Variants in TCFL5 observed in about 807,000 individuals in gnomAD.
TCFL5 encodes the protein transcription factor-like 5 protein.
Under a neutral mutation model 44.3 loss-of-function variants are expected in TCFL5, and 9 were observed. That is an observed-to-expected ratio of 0.20 (90% CI 0.12 to 0.35). The LOEUF is 0.35. Ranked by LOEUF, TCFL5 falls within the 10% of genes least tolerant of loss-of-function variation. The pLI is 1.00. For missense variants in TCFL5, 603 were observed against 613.4 expected (o/e 0.98, Z 0.18); for synonymous variants, 319 against 271.6 (o/e 1.17, Z -1.72).
chr20:62,857,831 T>C (rs887217404), intron 3 of TCFL5, among the ~76,000 whole-genome samples, 193 bp from the exon 4 acceptor site: 2 of 152,176 alleles, frequency 1.3e-5, no homozygotes, highest in African/African-American at 4.8e-5. Flanking sequence ...GCCTATTTTA[T>C]ACAACGAAAC....
chr20:62,859,647 G>A, intron 2 of TCFL5, 121 bp from the exon 3 acceptor site: 1 of 865,920 alleles, frequency 1.2e-6, no homozygotes, highest in African/African-American at 1.8e-5. Flanking sequence ...AAGAACTTTA[G>A]TTGCACTGAA....
In TCFL5 at chr20:62,842,034, A is replaced by T; in HGVS notation, c.1444T>A (p.Leu482Met). 6.2e-7 allele frequency: 1 copy of T among 1,614,260 alleles called. No homozygotes were observed. The change falls in exon 6 of 6, where the codon TTG (leucine) becomes ATG (methionine). Residue 482 changes from leucine to methionine, a missense_variant. Leu to Met is a conservative substitution (Grantham distance 15, BLOSUM62 2). Transcript: ENST00000335351. The surrounding 1 kb of genome is among the most constrained non-coding windows in gnomAD (Gnocchi z 4.3). ...RRLKLTRPDS[L>M]VTCPAQGSLQ... ...CTCCCCTGTGCAGGACAGGTCACCAAGGAGTCCGGTCTGGTCAGCTTTAGC... is the reference window on the plus strand; with the variant it reads ...CTCCCCTGTGCAGGACAGGTCACCATGGAGTCCGGTCTGGTCAGCTTTAGC...
intron 5 of TCFL5, chr20:62,852,722 C>A (rs2063827424): frequency 1.0e-6 from 1 of 985,084 alleles, no homozygotes. Context: ...AGTATATTCA[C>A]CTGGTTGACA....
chr20:62,849,592 G>A (rs1238999466), intron 5 of TCFL5, among the ~76,000 whole-genome samples: 2 of 152,064 alleles, frequency 1.3e-5, no homozygotes, highest in Non-Finnish European at 2.9e-5. Context: ...GCTGGGTGTG[G>A]TGGTTCATGC....
rs77206349 is a variant in TCFL5 at position 62,861,272 on chromosome 20, C to A, written c.399G>T (p.Leu133=). The change falls in exon 1 of 6, where the codon CTG becomes CTT. Residue 133 remains leucine (L), a synonymous_variant. Coordinates refer to ENST00000335351, the MANE Select transcript of TCFL5 (RefSeq NM_006602.4). This position sits in a 1 kb window ranked among gnomAD's most constrained non-coding sequence, Gnocchi z 4.0. ...HIDFQELRMM[L]LSEAGAAEKT... ...TCTCCGCCGCGCCCGCCTCGCTTAG[C>A]AGCATCATGCGCAGCTCCTGGAAGT... 2.5e-6 allele frequency: 3 copies of A among 1,221,594 alleles called. No individual in the cohort carries two copies. The highest frequency in any genetic ancestry group is 2.9e-5 in the Admixed American group (1 of 34,084). 75.7% of individuals were successfully genotyped at this position (1,221,594 alleles called of 1,614,324 possible). A position where few individuals can be genotyped will look rare whatever the true frequency, so the allele number is the denominator to read the frequency against.
intron 2 of TCFL5, 60 bp from the exon 3 acceptor site, chr20:62,859,586 G>T: frequency 6.7e-7 from 1 of 1,485,738 alleles, no homozygotes. Context: ...CCTCTTTACT[G>T]CACAAATGAA....
At chr20:62,849,092 G>C (rs6062373) in intron 5 of TCFL5, among the ~76,000 whole-genome samples, 20,337 of 152,070 alleles carry the variant, frequency 0.13, 1,861 homozygotes, top group Non-Finnish European at 0.2. Context: ...CTGAACCTGG[G>C]AGGCAGAGGT....
intron 5 of TCFL5, among the ~76,000 whole-genome samples, chr20:62,853,198 T>G (rs529475503): frequency 6.6e-6 from 1 of 150,958 alleles, no homozygotes; most frequent in Non-Finnish European, 1.5e-5. Flanking sequence ...AGAAGTATAG[T>G]CACCCAGTCC....
intron 5 of TCFL5, chr20:62,845,104 TATACTC>T: frequency 3.0e-6 from 3 of 988,034 alleles, no homozygotes; most frequent in Non-Finnish European, 3.6e-6. Flanking sequence ...TGCATATAAA[TATACTC>T]ATTTTCTTCC....
rs528649129 is a variant in TCFL5 at position 62,857,602 on chromosome 20, C to T, written c.1031G>A (p.Arg344Gln). The T allele has an allele frequency of 4.3e-5, 70 of 1,614,226 alleles. 1 individual carries two copies. The Admixed American group carries it at 8.7e-4, about 20-fold the overall frequency. Residue 344 changes from arginine to glutamine, a missense_variant, in exon 4 of 6, where the codon CGG becomes CAG. By Grantham distance (43) the Arg-to-Gln change is conservative. Coordinates refer to ENST00000335351, the MANE Select transcript of TCFL5 (RefSeq NM_006602.4). Reference sequence around the variant, plus strand: ...TGTGTCCAACTGACGCATTCTACTCCGATTCCTCTTCAGTGCTTGTTTGCA... The same window carrying T: ...TGTGTCCAACTGACGCATTCTACTCTGATTCCTCTTCAGTGCTTGTTTGCA... ...ALCKQALKRN[R>Q]SRMRQLDTNV... is the part of the protein sequence containing the mutation.
At chr20:62,860,911 G>A (rs2063989838) in intron 1 of TCFL5, 113 bp downstream of exon 1, 2 of 867,204 alleles carry the variant, frequency 2.3e-6, no homozygotes, top group Non-Finnish European at 2.8e-6. Context: ...GTGCCGCCGG[G>A]AGGGCAGGCT....
chr20:62,861,555 A>T lies in TCFL5; in HGVS notation c.116T>A (p.Phe39Tyr), dbSNP rs1266103482. 1 of 1,139,788 alleles carries T rather than the reference A, an allele frequency of 8.8e-7. No homozygotes were observed. Among genetic ancestry groups the T allele is most frequent in the Non-Finnish European group, 1.1e-6 (1 of 916,646 alleles). 70.6% of individuals were successfully genotyped at this position (1,139,788 alleles called of 1,614,324 possible). A position where few individuals can be genotyped will look rare whatever the true frequency, so the allele number is the denominator to read the frequency against. ...CACCAGGCTCAGGTCGGTGGTCGTG[A>T]AGCTCAGCCCCGGCTCGCCCAGCGC... ...DAALGEPGLS[F>Y]TTTDLSLVEM... The change falls in exon 1 of 6, where the codon TTC becomes TAC. Residue 39 changes from phenylalanine to tyrosine, a missense_variant. Phe to Tyr is a conservative substitution (Grantham distance 22). This residue lies in a region of TCFL5 where 540 missense variants were observed against 478.7 expected (regional missense o/e 1.13). Coordinates refer to ENST00000335351, the MANE Select transcript of TCFL5 (RefSeq NM_006602.4). The surrounding 1 kb of genome is among the most constrained non-coding windows in gnomAD (Gnocchi z 4.0).
At chr20:62,844,577 TTTTTG>T (rs1182630039) in intron 5 of TCFL5, among the ~76,000 whole-genome samples, 2,585 of 128,706 alleles carry the variant, frequency 0.02, 37 homozygotes, top group African/African-American at 0.052. Context: ...TTTTGTTTGT[TTTTTG>T]TTTTTTTTTT....
At position 62,841,911 on chromosome 20, in the gene TCFL5, A is replaced by G; in HGVS notation, c.*64T>C. 1 of 1,583,518 alleles carries G rather than the reference A, an allele frequency of 6.3e-7. No homozygotes were observed. Among genetic ancestry groups the G allele is most frequent in the South Asian group, 1.1e-5 (1 of 88,374 alleles). ...TAGCCGAGCAGAGCTCCAGGGTTGC[A>G]GAAGGCGTGCACAGGTCACGAAGGA... On this transcript the variant is annotated 3_prime_UTR_variant, in exon 6 of 6. Coordinates refer to ENST00000335351, the MANE Select transcript of TCFL5 (RefSeq NM_006602.4).
chr20:62,846,000 A>G, intron 5 of TCFL5: 3 of 1,397,554 alleles, frequency 2.1e-6, no homozygotes, highest in Non-Finnish European at 2.9e-6. Flanking sequence ...TCGTGGAGAC[A>G]CAGCCATTTG....
rs559094786 is a variant in TCFL5 at position 62,860,242 on chromosome 20, A to G, written c.714T>C (p.Cys238=). Residue 238 remains cysteine (C), a synonymous_variant, in exon 2 of 6, where the codon TGT becomes TGC. Coordinates refer to ENST00000335351, the MANE Select transcript of TCFL5 (RefSeq NM_006602.4). ...CAGTTTTATTTTTCACTAATGCTGT[A>G]CATTTGTTTTGTTGCTGAAGAGGAA... ...MNVPLQQQNK[C]TALVKNKTAA... 1.2e-6 allele frequency: 2 copies of G among 1,613,836 alleles called. No individual in the cohort carries two copies. The highest frequency in any genetic ancestry group is 1.3e-5 in the African/African-American group (1 of 75,038).
chr20:62,852,501 T>C (rs778759162), intron 5 of TCFL5: 197 of 985,354 alleles, frequency 2.0e-4, no homozygotes, highest in Non-Finnish European at 2.2e-4. Flanking sequence ...AAATCACACG[T>C]CTAGTTCCAG....
chr20:62,861,471 G>C lies in TCFL5; in HGVS notation c.200C>G (p.Ala67Gly). The change falls in exon 1 of 6, where the codon GCG (alanine) becomes GGG (glycine). Residue 67 changes from alanine to glycine, a missense_variant. Physicochemically the swap from Ala to Gly is moderately conservative, Grantham distance 60. This residue lies in a region of TCFL5 where 540 missense variants were observed against 478.7 expected (regional missense o/e 1.13). Transcript: ENST00000335351. This position sits in a 1 kb window ranked among gnomAD's most constrained non-coding sequence, Gnocchi z 4.0. ...LQHILCSHME[A>G]AADGELETRL... is the part of the protein sequence containing the mutation. ...CGTCTCGAGCTCGCCGTCAGCCGCC[G>C]CCTCCATGTGCGAGCAGAGGATGTG... 1 of 1,188,402 alleles carries C rather than the reference G, an allele frequency of 8.4e-7. No individual in the cohort carries two copies. Among genetic ancestry groups the C allele is most frequent in the Non-Finnish European group, 1.1e-6 (1 of 945,412 alleles). 73.6% of individuals were successfully genotyped at this position (1,188,402 alleles called of 1,614,324 possible).
At position 62,844,328 on chromosome 20, in the gene TCFL5, C is replaced by T. The variant is rs528356150; in HGVS notation, c.1381-2231G>A. 7.2e-5 allele frequency among the ~76,000 whole-genome samples: 11 copies of T among 152,354 alleles called. No homozygotes were observed. The South Asian group carries it at 1.4e-3, about 20-fold the overall frequency. ...TGATTCGTATTTCCCTAATGACTAA[C>T]GGCTTGGCGCATCTTTCATGGGCTT... On this transcript the variant is annotated intron_variant, in intron 5 of 5. Coordinates refer to ENST00000335351, the MANE Select transcript of TCFL5 (RefSeq NM_006602.4).
Sources: allele counts gnomAD v4.1 joint callset (sites outside exome capture counted in the v4.1 genomes callset), GRCh38; gene constraint gnomAD v4.1.1; regional missense constraint gnomAD v4.1.1; non-coding constraint Gnocchi (gnomAD v3.1); transcripts MANE v1.5; gene names NCBI Gene and HGNC (gene_info 2026-07-23, HGNC 2026-07-21).